Variants in FGF13 observed in about 807,000 individuals in gnomAD.
The protein encoded by FGF13 is fibroblast growth factor 13, also known as fibroblast growth factor homologous factor 2.
In FGF13, 2 loss-of-function variants were observed where a neutral mutation model predicts 19.5. The ratio of observed to expected loss-of-function variants is 0.10; its 90% confidence interval spans 0.04 to 0.32. FGF13 has a LOEUF of 0.32. Among genes scored for constraint, FGF13 ranks in the 10% least tolerant of loss-of-function variants. The probability of loss-of-function intolerance (pLI) is 1.00; values close to 1 mark genes in which losing one functional copy is unlikely to be tolerated. For synonymous variants in FGF13, 72 were observed against 76.9 expected (o/e 0.94, Z 0.33); for missense variants, 113 against 192.7 (o/e 0.59, Z 2.45).
chrX:138,933,407 A>G lies in FGF13; in HGVS notation c.-112-68757T>C, dbSNP rs757107594. 1.3e-4 allele frequency among the ~76,000 whole-genome samples: 14 copies of G among 111,985 alleles called. No homozygotes were observed. In the South Asian group the frequency reaches 5.3e-3, roughly 42 times the overall value. The stretch of plus-strand genomic sequence containing the variant: ...GTTAAATATCTGTCTCCTAAGACTC[A>G]GGTTCTGTAGTGTAGACTGGGAGCT... On this transcript the variant is annotated intron_variant, in intron 1 of 2. Coordinates refer to the FGF13 transcript ENST00000421460.
intron 1 of FGF13, among the ~76,000 whole-genome samples, chrX:138,940,851 G>A (rs747511291): frequency 2.2e-4 from 24 of 111,075 alleles, no homozygotes; most frequent in Admixed American, 1.4e-3. Context: ...GTATAAAGTC[G>A]GGTAACGTCA....
chrX:139,013,244 G>A lies in FGF13; in HGVS notation c.-112-148594C>T, dbSNP rs1352801618. ...AGGGAACACAATTACACCGTTGGAG[G>A]GAATGTAAACTAGTACAACCACTAT... On this transcript the variant is annotated intron_variant, in intron 1 of 2. Coordinates refer to the FGF13 transcript ENST00000421460. Among the ~76,000 whole-genome samples the A allele has an allele frequency of 3.7e-5, 4 of 109,193 alleles. No individual in the cohort carries two copies. In the East Asian group the frequency reaches 1.2e-3, roughly 32 times the overall value. The allele number at this position is 109,193 out of a possible 115,157, so 94.8% of individuals were successfully genotyped here.
At chrX:138,637,963 A>C (rs2089202864) in intron 3 of FGF13, among the ~76,000 whole-genome samples, 1 of 111,680 alleles carries the variant, frequency 9.0e-6, no homozygotes, top group Non-Finnish European at 1.9e-5. Flanking sequence ...GGAATCCACC[A>C]TCCTGGCAGT....
At chrX:139,153,298 C>T (rs750362280) in intron 1 of FGF13, among the ~76,000 whole-genome samples, 4 of 109,285 alleles carry the variant, frequency 3.7e-5, no homozygotes, top group Non-Finnish European at 7.6e-5. Context: ...ATGTCTGTTG[C>T]CACATGGTTT....
At chrX:138,811,928 C>T (rs111623031) in intron 3 of FGF13, among the ~76,000 whole-genome samples, 127 of 110,575 alleles carry the variant, frequency 1.1e-3, no homozygotes, top group Non-Finnish European at 2.1e-3. Flanking sequence ...AAATATATTA[C>T]AAATCCAACC....
intron 1 of FGF13, among the ~76,000 whole-genome samples, chrX:138,888,473 C>T (rs2091461726): frequency 9.0e-6 from 1 of 110,687 alleles, no homozygotes; most frequent in African/African-American, 3.3e-5. Context: ...TAGTGCTCTA[C>T]TGTTGGGTCT....
chrX:139,143,186 A>G (rs1276191101), intron 1 of FGF13, among the ~76,000 whole-genome samples: 3 of 112,109 alleles, frequency 2.7e-5, no homozygotes, highest in Admixed American at 9.4e-5. Context: ...TCAGGCTATA[A>G]AGATGTTGAA....
At chrX:139,066,283 A>G (rs1198587202) in intron 1 of FGF13, among the ~76,000 whole-genome samples, 1 of 111,616 alleles carries the variant, frequency 9.0e-6, no homozygotes, top group East Asian at 2.8e-4. Flanking sequence ...AAGAGCAAAC[A>G]CATTCAAAAG....
intron 3 of FGF13, among the ~76,000 whole-genome samples, chrX:138,697,718 A>C (rs1189285572): frequency 9.0e-6 from 1 of 111,529 alleles, no homozygotes; most frequent in East Asian, 2.8e-4. Flanking sequence ...AAAATAAAAA[A>C]AATAATAGTA....
At chrX:139,097,618 G>A (rs897382712) in intron 1 of FGF13, among the ~76,000 whole-genome samples, 1 of 111,686 alleles carries the variant, frequency 9.0e-6, no homozygotes, top group African/African-American at 3.3e-5. Flanking sequence ...CTCAAAAGAC[G>A]CAGAAGATGC....
At chrX:138,870,692 T>C (rs148849442) in intron 1 of FGF13, among the ~76,000 whole-genome samples, 7,248 of 111,686 alleles carry the variant, frequency 0.065, 582 homozygotes, top group African/African-American at 0.22. Flanking sequence ...ATGAGGAAGG[T>C]AGAATAGTGG....
intron 3 of FGF13, among the ~76,000 whole-genome samples, chrX:138,831,716 GGT>G (rs1454327786): frequency 1.8e-5 from 2 of 109,238 alleles, no homozygotes; most frequent in African/African-American, 6.7e-5. Flanking sequence ...AACAATTGTA[GGT>G]TTTTTACGTA....
At chrX:138,722,169 G>T (rs1344060346) in intron 1 of FGF13, among the ~76,000 whole-genome samples, 1 of 111,577 alleles carries the variant, frequency 9.0e-6, no homozygotes, top group Non-Finnish European at 1.9e-5. Context: ...TCCAACCAAG[G>T]TTTCTAACTC....
At chrX:138,754,183 G>A (rs1602789242) in intron 3 of FGF13, among the ~76,000 whole-genome samples, 1 of 111,743 alleles carries the variant, frequency 8.9e-6, no homozygotes, top group African/African-American at 3.2e-5. Context: ...TGTAAATGTT[G>A]ATGTTTTGCT....
At chrX:138,811,382 G>A (rs962437773) in intron 3 of FGF13, among the ~76,000 whole-genome samples, 1 of 110,540 alleles carries the variant, frequency 9.0e-6, no homozygotes, top group Non-Finnish European at 1.9e-5. Context: ...ACTTGTAGGT[G>A]GGAACTGAAC....
chrX:138,723,983 G>T (rs2090166870), intron 1 of FGF13, among the ~76,000 whole-genome samples: 1 of 111,354 alleles, frequency 9.0e-6, no homozygotes, highest in African/African-American at 3.3e-5. Context: ...CAGAGAAGTT[G>T]AGTCATTAGC....
intron 1 of FGF13, among the ~76,000 whole-genome samples, chrX:139,184,202 A>G (rs2084263098): frequency 8.9e-6 from 1 of 112,230 alleles, no homozygotes; most frequent in Non-Finnish European, 1.9e-5. Flanking sequence ...AATTTCAGAG[A>G]GTACAATTTA....
intron 1 of FGF13, among the ~76,000 whole-genome samples, chrX:139,116,563 T>A (rs1403629411): frequency 9.0e-6 from 1 of 111,624 alleles, no homozygotes; most frequent in East Asian, 2.8e-4. Context: ...AAAAAGCAAA[T>A]ATCCCTTCTC....
chrX:138,762,804 A>G (rs1028694167), intron 3 of FGF13, among the ~76,000 whole-genome samples: 4 of 112,416 alleles, frequency 3.6e-5, no homozygotes, highest in Admixed American at 1.9e-4. Context: ...AATATCCAGC[A>G]TATAATAATG....
Sources: allele counts gnomAD v4.1 joint callset (sites outside exome capture counted in the v4.1 genomes callset), GRCh38; gene constraint gnomAD v4.1.1; transcripts MANE v1.5; gene names NCBI Gene and HGNC (gene_info 2026-07-23, HGNC 2026-07-21).